Variants in ZNF676 observed in about 807,000 individuals in gnomAD.
The protein encoded by ZNF676 is zinc finger protein 676.
In ZNF676, 4 loss-of-function variants were observed where a neutral mutation model predicts 6.0. The ratio of observed to expected loss-of-function variants is 0.67; its 90% confidence interval spans 0.33 to 1.53. ZNF676 has a LOEUF of 1.53. ZNF676 is among the 40% of genes most tolerant of loss of function. ZNF676 has a pLI of 0.06. For synonymous variants in ZNF676, 198 were observed against 223.1 expected (o/e 0.89, Z 1.00); for missense variants, 644 against 679.7 (o/e 0.95, Z 0.58).
At chr19:22,257,534 A>T in the ZNF676 span, among the ~76,000 whole-genome samples, 1 of 152,196 alleles carries the variant, frequency 6.6e-6, no homozygotes, top group East Asian at 1.9e-4. Context: ...GACTAACGAC[A>T]TGATAGGTAA....
At chr19:22,236,786 T>A in the ZNF676 span, among the ~76,000 whole-genome samples, 1 of 152,212 alleles carries the variant, frequency 6.6e-6, no homozygotes, top group Non-Finnish European at 1.5e-5. Flanking sequence ...TCAATTTTAC[T>A]TCTAAGATCA....
At chr19:22,240,057 G>A in the ZNF676 span, among the ~76,000 whole-genome samples, 1 of 152,200 alleles carries the variant, frequency 6.6e-6, no homozygotes, top group African/African-American at 2.4e-5. Context: ...TCACTGCAGT[G>A]GGCAGGGCCT....
intron 1 of ZNF676, among the ~76,000 whole-genome samples, chr19:22,205,453 G>GCA (rs1252575665): frequency 1.3e-5 from 2 of 151,864 alleles, no homozygotes. Flanking sequence ...ACGATACAAG[G>GCA]CACACACACA....
rs574375470 is a variant in ZNF676 at position 22,180,520 on chromosome 19, G to A, written c.1197C>T (p.Gly399=). 6.2e-7 allele frequency: 1 copy of A among 1,610,386 alleles called. No individual in the cohort carries two copies. Among genetic ancestry groups the A allele is most frequent in the African/African-American group, 1.4e-5 (1 of 73,696 alleles). The stretch of plus-strand genomic sequence containing the variant: ...GCTTTGAGGATGAGTTGGAAGCTTT[G>A]CCACATTCTTCACATTTGTAGGGCT... ...EEKPYKCEEC[G]KASNSSSKLM... Residue 399 remains glycine, a synonymous_variant, in exon 3 of 3, where the codon GGC becomes GGT. Transcript: ENST00000397121.
chr19:22,206,823 T>C (rs1389884638), intron 1 of ZNF676, among the ~76,000 whole-genome samples: 1 of 152,198 alleles, frequency 6.6e-6, no homozygotes, highest in Admixed American at 6.5e-5. Context: ...ATTCATCACA[T>C]AAACAGAATT....
At chr19:22,225,103 G>A in the ZNF676 span, among the ~76,000 whole-genome samples, 1 of 152,086 alleles carries the variant, frequency 6.6e-6, no homozygotes, top group South Asian at 2.1e-4. Context: ...TACCCACTAA[G>A]TAACAACTGC....
the ZNF676 span, among the ~76,000 whole-genome samples, chr19:22,232,597 C>T: frequency 6.6e-6 from 1 of 152,098 alleles, no homozygotes; most frequent in African/African-American, 2.4e-5. Context: ...GAACACTCCT[C>T]AACAATATCA....
At chr19:22,212,416 G>A (rs1207805999) in intron 1 of ZNF676, among the ~76,000 whole-genome samples, 1 of 151,946 alleles carries the variant, frequency 6.6e-6, no homozygotes, top group Non-Finnish European at 1.5e-5. Flanking sequence ...AAAAACTGAG[G>A]TCAGCCGGGC....
At chr19:22,191,190 G>A (rs1375406188) in intron 2 of ZNF676, among the ~76,000 whole-genome samples, 1 of 152,154 alleles carries the variant, frequency 6.6e-6, no homozygotes, top group Non-Finnish European at 1.5e-5. Context: ...GAGATCCAGT[G>A]AGGGAATTGT....
chr19:22,198,765 C>A (rs1327826978), upstream of ZNF676, among the ~76,000 whole-genome samples: 4 of 152,040 alleles, frequency 2.6e-5, no homozygotes, highest in African/African-American at 4.8e-5. Context: ...ATATGCTTTT[C>A]TTTATTTTGT....
At chr19:22,235,720 C>CA in the ZNF676 span, among the ~76,000 whole-genome samples, 1 of 152,028 alleles carries the variant, frequency 6.6e-6, no homozygotes, top group Non-Finnish European at 1.5e-5. Flanking sequence ...TTTGCAAAAG[C>CA]AAAAAGCGAT....
the ZNF676 span, among the ~76,000 whole-genome samples, chr19:22,255,842 CAGAG>C: frequency 6.9e-6 from 1 of 144,832 alleles, no homozygotes; most frequent in Non-Finnish European, 1.5e-5. Context: ...GCCTGGGTGA[CAGAG>C]CAAGACTCCA....
intron 2 of ZNF676, among the ~76,000 whole-genome samples, chr19:22,188,845 A>C (rs1449589293): frequency 6.6e-6 from 1 of 152,206 alleles, no homozygotes; most frequent in Non-Finnish European, 1.5e-5. Flanking sequence ...AGCTCAAGAA[A>C]ATAAGAGAGG....
chr19:22,225,046 T>C, the ZNF676 span, among the ~76,000 whole-genome samples: 1 of 152,296 alleles, frequency 6.6e-6, no homozygotes, highest in East Asian at 1.9e-4. Context: ...CACCTGGTTA[T>C]GCAAAAGGCT....
the ZNF676 span, among the ~76,000 whole-genome samples, chr19:22,260,221 T>A: frequency 2.5e-3 from 377 of 152,238 alleles, 1 homozygote; most frequent in African/African-American, 8.7e-3. Flanking sequence ...CAGCATCTAA[T>A]AATTAGTAAC....
At chr19:22,239,965 T>TC in the ZNF676 span, among the ~76,000 whole-genome samples, 1 of 152,134 alleles carries the variant, frequency 6.6e-6, no homozygotes, top group Admixed American at 6.5e-5. Context: ...CTGACATAGG[T>TC]CACAATTCAT....
intron 1 of ZNF676, among the ~76,000 whole-genome samples, chr19:22,208,427 A>G (rs2024097078): frequency 1.4e-5 from 2 of 146,976 alleles, no homozygotes; most frequent in African/African-American, 5.2e-5. Flanking sequence ...GAGAATGGCA[A>G]TTATTATAAT....
chr19:22,190,790 A>G (rs1447558358), intron 2 of ZNF676, among the ~76,000 whole-genome samples: 3 of 151,372 alleles, frequency 2.0e-5, no homozygotes, highest in Non-Finnish European at 2.9e-5. Context: ...TTTGAAATAT[A>G]AAAATACTGG....
the ZNF676 span, among the ~76,000 whole-genome samples, chr19:22,220,814 T>A: frequency 6.6e-6 from 1 of 152,192 alleles, no homozygotes; most frequent in South Asian, 2.1e-4. Context: ...TTCAGAGTTT[T>A]TATTTCTTCC....
Sources: gnomAD v4.1 joint callset for allele counts (sites outside exome capture counted in the v4.1 genomes callset) on GRCh38, gnomAD v4.1.1 for gene constraint, MANE v1.5 for transcripts, NCBI Gene and HGNC (gene_info 2026-07-23, HGNC 2026-07-21) for gene names.